Variants in ROBO2 observed in about 807,000 individuals in gnomAD.
ROBO2 encodes the protein roundabout guidance receptor 2.
A neutral mutation model predicts 160.8 loss-of-function variants in ROBO2; 53 were observed. The ratio of observed to expected loss-of-function variants is 0.33; its 90% CI spans 0.26 to 0.41. ROBO2 has a LOEUF of 0.41. ROBO2 is among the 10% of genes least tolerant of loss of function. ROBO2 has a pLI of 1.00. For synonymous variants in ROBO2, 664 were observed against 611.7 expected (o/e 1.09, Z -1.26); for missense variants, 1,577 against 1,722.4 (o/e 0.92, Z 1.49).
At chr3:76,980,049 T>C (rs995694367) in intron 2 of ROBO2, among the ~76,000 whole-genome samples, 3 of 152,162 alleles carry the variant, frequency 2.0e-5, no homozygotes, top group Non-Finnish European at 4.4e-5. Flanking sequence ...CATGCACATC[T>C]GGTACCATAC....
At chr3:77,366,892 C>G (rs921626845) in intron 2 of ROBO2, among the ~76,000 whole-genome samples, 1 of 115,864 alleles carries the variant, frequency 8.6e-6, no homozygotes, top group African/African-American at 2.8e-5. Context: ...ACTCTCACAG[C>G]ACCCCCCCGA....
intron 2 of ROBO2, among the ~76,000 whole-genome samples, chr3:76,898,833 A>G (rs995909813): frequency 1.9e-4 from 29 of 152,152 alleles, no homozygotes; most frequent in African/African-American, 7.0e-4. Context: ...AATATTTGTT[A>G]AAAATATATG....
chr3:77,433,524 CCTT>C (rs1310365339), intron 2 of ROBO2, among the ~76,000 whole-genome samples: 5 of 97,698 alleles, frequency 5.1e-5, no homozygotes, highest in African/African-American at 1.8e-4. Context: ...ATATATTTCT[CCTT>C]CATCTAATCT....
chr3:76,432,450 C>G (rs150384875), intron 2 of ROBO2, among the ~76,000 whole-genome samples: 1,576 of 152,194 alleles, frequency 0.01, 34 homozygotes, highest in South Asian at 0.058. Context: ...GACTCTGGCT[C>G]AAGGTCTTTG....
rs76815139 is a variant in ROBO2 at position 77,173,923 on chromosome 3, A to G, written c.388+75583A>G. On this transcript the variant is annotated intron_variant, in intron 2 of 25. Transcript: ENST00000461745. ...ACTCCAAACACCTACCATCTGGCATATCCTATCTTCTCATTATAATATGTG... is the reference window on the plus strand; with the variant it reads ...ACTCCAAACACCTACCATCTGGCATGTCCTATCTTCTCATTATAATATGTG... 2.2e-3 allele frequency among the ~76,000 whole-genome samples: 336 copies of G among 152,222 alleles called. 2 individuals are homozygous for G. Among genetic ancestry groups the G allele is most frequent in the African/African-American group, 7.7e-3 (319 of 41,564 alleles).
At chr3:76,982,698 C>G (rs1032783428) in intron 2 of ROBO2, among the ~76,000 whole-genome samples, 1 of 147,878 alleles carries the variant, frequency 6.8e-6, no homozygotes, top group Non-Finnish European at 1.5e-5. Flanking sequence ...TAATTTATAC[C>G]TATTTATTTT....
At chr3:76,073,287 T>C (rs1430149630) in intron 2 of ROBO2, among the ~76,000 whole-genome samples, 1,283 of 96,752 alleles carry the variant, frequency 0.013, 29 homozygotes, top group East Asian at 0.042. Flanking sequence ...TTTTTTTTTT[T>C]TTTTTTTTTT....
intron 2 of ROBO2, among the ~76,000 whole-genome samples, chr3:76,453,780 A>T (rs923326515): frequency 3.3e-5 from 5 of 152,206 alleles, no homozygotes; most frequent in African/African-American, 1.2e-4. Flanking sequence ...CCTCTAAAAA[A>T]ATGAATCTGT....
At chr3:77,425,384 A>C (rs184189397) in intron 2 of ROBO2, among the ~76,000 whole-genome samples, 1 of 152,170 alleles carries the variant, frequency 6.6e-6, no homozygotes, top group Non-Finnish European at 1.5e-5. Context: ...AAAAGAAAAA[A>C]CATAGCTTGA....
Position 77,355,097 on chromosome 3 carries a change from T to C in ROBO2, c.389-122317T>C, listed in dbSNP as rs561467691. On this transcript the variant is annotated intron_variant, in intron 2 of 25. Coordinates refer to ENST00000461745, the Ensembl canonical transcript of ROBO2. ...TCTCACTCCAAAGAGTTCTATCACA[T>C]ACCTTTATGATCAACCCTTCCTCCC... Among the ~76,000 whole-genome samples, 36 of 152,238 alleles carry C rather than the reference T, an allele frequency of 2.4e-4. 1 individual carries two copies. In the South Asian group the frequency reaches 6.9e-3, roughly 29 times the overall value.
chr3:76,721,904 G>A (rs1332466938), intron 2 of ROBO2, among the ~76,000 whole-genome samples: 1 of 152,198 alleles, frequency 6.6e-6, no homozygotes, highest in African/African-American at 2.4e-5. Flanking sequence ...GTATGTATCA[G>A]AATGTGTTTT....
intron 6 of ROBO2, among the ~76,000 whole-genome samples, chr3:77,525,007 G>A (rs1190361116): frequency 6.0e-5 from 9 of 151,086 alleles, no homozygotes; most frequent in South Asian, 2.1e-4. Context: ...AAGCATTTGG[G>A]TTTTCTCATG....
At chr3:76,454,355 G>T (rs1380422449) in intron 2 of ROBO2, among the ~76,000 whole-genome samples, 1 of 152,122 alleles carries the variant, frequency 6.6e-6, no homozygotes, top group Non-Finnish European at 1.5e-5. Context: ...AAATTAGAAA[G>T]AAGTTGAAGT....
chr3:76,628,326 C>T (rs1051966491), intron 2 of ROBO2, among the ~76,000 whole-genome samples: 18 of 151,844 alleles, frequency 1.2e-4, no homozygotes, highest in Non-Finnish European at 2.1e-4. Flanking sequence ...CACAGCTTAC[C>T]GCAACCCCAA....
intron 2 of ROBO2, among the ~76,000 whole-genome samples, chr3:76,246,163 A>G (rs1705606765): frequency 6.6e-6 from 1 of 152,068 alleles, no homozygotes; most frequent in Non-Finnish European, 1.5e-5. Context: ...TTCAATGATC[A>G]GGAAATGGTG....
intron 2 of ROBO2, among the ~76,000 whole-genome samples, chr3:77,101,529 C>CTATCTTCTATATATATCTATATATCT (rs1191624298): frequency 6.6e-6 from 1 of 152,026 alleles, no homozygotes; most frequent in African/African-American, 2.4e-5. Context: ...GTGTTGAAGC[C>CTATCTTCTATATATATCTATATATCT]ACGGAAGTAT....
At chr3:77,187,011 T>G (rs2081345461) in intron 2 of ROBO2, among the ~76,000 whole-genome samples, 1 of 151,970 alleles carries the variant, frequency 6.6e-6, no homozygotes, top group South Asian at 2.1e-4. Context: ...TTGTCACAAA[T>G]GTAATCGCAG....
intron 2 of ROBO2, among the ~76,000 whole-genome samples, chr3:77,108,251 C>CATATATATGTATACACATATGCAT (rs1560025819): frequency 0.035 from 4,297 of 121,366 alleles, 286 homozygotes; most frequent in African/African-American, 0.092. Flanking sequence ...TACACATATG[C>CATATATATGTATACACATATGCAT]ATATATATGT....
At chr3:77,271,081 C>T (rs1225437429) in intron 2 of ROBO2, among the ~76,000 whole-genome samples, 3 of 151,814 alleles carry the variant, frequency 2.0e-5, no homozygotes, top group Non-Finnish European at 4.4e-5. Context: ...TGAGGATTTC[C>T]ACATTTTTTG....
Sources: allele counts gnomAD v4.1 joint callset (sites outside exome capture counted in the v4.1 genomes callset), GRCh38; gene constraint gnomAD v4.1.1; transcripts MANE v1.5; gene names NCBI Gene and HGNC (gene_info 2026-07-23, HGNC 2026-07-21).